The following LRRC4C variants were observed in gnomAD, a reference collection of about 807,000 sequenced individuals.
The protein encoded by LRRC4C is leucine rich repeat containing 4C, also known as leucine-rich repeat-containing protein 4C.
Under a neutral mutation model 33.6 loss-of-function variants are expected in LRRC4C, and 5 were observed. The ratio of observed to expected loss-of-function variants is 0.15; its 90% CI spans 0.08 to 0.31. The LOEUF (loss-of-function observed/expected upper bound fraction) is 0.31. Among genes scored for constraint, LRRC4C ranks in the 10% least tolerant of loss-of-function variants. The pLI is 1.00. For missense variants in LRRC4C, 560 were observed against 796.7 expected (o/e 0.70, Z 3.58); for synonymous variants, 329 against 302.0 (o/e 1.09, Z -0.93).
chr11:40,310,663 C>A (rs778084915), intron 4 of LRRC4C, among the ~76,000 whole-genome samples: 2 of 152,122 alleles, frequency 1.3e-5, no homozygotes, highest in African/African-American at 2.4e-5. Flanking sequence ...CATTAACTCA[C>A]AACAACCACC....
At chr11:40,784,756 CGA>C (rs1406585016) in intron 2 of LRRC4C, among the ~76,000 whole-genome samples, 2 of 151,980 alleles carry the variant, frequency 1.3e-5, no homozygotes, top group African/African-American at 4.8e-5. Flanking sequence ...TTAGGAAAGA[CGA>C]GAGTGTCAAA....
At chr11:40,863,229 C>T (rs1048757929) in intron 2 of LRRC4C, among the ~76,000 whole-genome samples, 2 of 152,212 alleles carry the variant, frequency 1.3e-5, no homozygotes, top group African/African-American at 2.4e-5. Context: ...CACTCTCACT[C>T]ATGGTCTACT....
Position 41,098,292 on chromosome 11 carries a change from T to C in LRRC4C, c.-495-164569A>G, listed in dbSNP as rs1443773985. ...CACTGCGGCCACACTGCTTGTAATATCTCTGACTGTTTCTCAATTCTTTCA... is the reference window on the plus strand; with the variant it reads ...CACTGCGGCCACACTGCTTGTAATACCTCTGACTGTTTCTCAATTCTTTCA... On this transcript the variant is annotated intron_variant, in intron 1 of 6. Transcript: ENST00000528697. Among the ~76,000 whole-genome samples, 4 of 152,302 alleles carry C rather than the reference T, an allele frequency of 2.6e-5. No homozygotes were observed. In the East Asian group the frequency reaches 7.7e-4, roughly 29 times the overall value.
chr11:41,321,419 T>G (rs2137274902), intron 1 of LRRC4C, among the ~76,000 whole-genome samples: 1 of 152,260 alleles, frequency 6.6e-6, no homozygotes, highest in Admixed American at 6.5e-5. Context: ...TAAGGAAAAT[T>G]TTAGTTTCTA....
At chr11:40,457,708 T>C (rs1952202746) in intron 3 of LRRC4C, among the ~76,000 whole-genome samples, 2 of 152,172 alleles carry the variant, frequency 1.3e-5, no homozygotes, top group Non-Finnish European at 2.9e-5. Context: ...TTGTTGAGTC[T>C]TTGATCTCCA....
intron 1 of LRRC4C, among the ~76,000 whole-genome samples, chr11:41,446,874 C>T (rs566041521): frequency 6.6e-6 from 1 of 152,110 alleles, no homozygotes; most frequent in Admixed American, 6.5e-5. Context: ...CCATGTGCAC[C>T]AAAAGACCAT....
chr11:40,800,545 G>A (rs999119043), intron 2 of LRRC4C, among the ~76,000 whole-genome samples: 12 of 151,992 alleles, frequency 7.9e-5, no homozygotes, highest in Admixed American at 5.9e-4. Flanking sequence ...TGTTACCATC[G>A]TCTTGTATAT....
At chr11:40,502,549 C>T (rs1954830188) in intron 3 of LRRC4C, among the ~76,000 whole-genome samples, 1 of 152,056 alleles carries the variant, frequency 6.6e-6, no homozygotes, top group Admixed American at 6.6e-5. Flanking sequence ...CTTATAAAAC[C>T]ATGAAACCTT....
chr11:41,130,848 G>A (rs1942978306), intron 1 of LRRC4C, among the ~76,000 whole-genome samples: 1 of 151,830 alleles, frequency 6.6e-6, no homozygotes, highest in South Asian at 2.1e-4. Context: ...TTTTATAATT[G>A]TCTCTCCTCC....
chr11:40,511,393 G>T (rs963589860), intron 3 of LRRC4C, among the ~76,000 whole-genome samples: 2 of 152,124 alleles, frequency 1.3e-5, no homozygotes, highest in African/African-American at 2.4e-5. Context: ...TCAAAGAGAA[G>T]GGCCATGAGA....
At chr11:40,770,867 G>T (rs1188051025) in intron 2 of LRRC4C, among the ~76,000 whole-genome samples, 1 of 152,070 alleles carries the variant, frequency 6.6e-6, no homozygotes, top group Non-Finnish European at 1.5e-5. Context: ...CATGGCCTTG[G>T]GCAGCTCCAC....
intron 3 of LRRC4C, among the ~76,000 whole-genome samples, chr11:40,464,051 C>T (rs79365183): frequency 0.041 from 6,189 of 151,840 alleles, 410 homozygotes; most frequent in African/African-American, 0.14. Context: ...AACTACAGAC[C>T]GACACCCCTG....
intron 1 of LRRC4C, among the ~76,000 whole-genome samples, chr11:41,008,182 T>TTC (rs1565295597): frequency 6.6e-6 from 1 of 151,876 alleles, no homozygotes; most frequent in East Asian, 1.9e-4. Flanking sequence ...CTCAAATGCT[T>TTC]TTCTTCTTCT....
At chr11:41,013,988 G>T (rs1855401481) in intron 1 of LRRC4C, among the ~76,000 whole-genome samples, 1 of 152,116 alleles carries the variant, frequency 6.6e-6, no homozygotes, top group Non-Finnish European at 1.5e-5. Context: ...CCACCCCCAT[G>T]ACCGCGTCGC....
intron 3 of LRRC4C, among the ~76,000 whole-genome samples, chr11:40,427,822 T>C (rs1950772612): frequency 6.6e-6 from 1 of 151,978 alleles, no homozygotes; most frequent in East Asian, 1.9e-4. Flanking sequence ...AGAGTGAGAC[T>C]GTCTTAAAAA....
chr11:41,407,771 T>C (rs984368929), intron 1 of LRRC4C, among the ~76,000 whole-genome samples: 3 of 152,180 alleles, frequency 2.0e-5, no homozygotes, highest in Admixed American at 2.0e-4. Flanking sequence ...TTATTTCAAA[T>C]ATTCTGTTTA....
intron 1 of LRRC4C, among the ~76,000 whole-genome samples, chr11:41,229,154 C>T (rs1341962720): frequency 4.6e-5 from 7 of 151,964 alleles, no homozygotes; most frequent in Non-Finnish European, 7.4e-5. Flanking sequence ...ATGTTGAAGG[C>T]CTAACCTCTT....
intron 1 of LRRC4C, among the ~76,000 whole-genome samples, chr11:41,176,057 C>T (rs191694571): frequency 6.6e-6 from 1 of 152,246 alleles, no homozygotes; most frequent in Admixed American, 6.5e-5. Context: ...GCACCTTTAA[C>T]TGTCCATCTT....
chr11:41,326,175 A>C (rs1214764447), intron 1 of LRRC4C, among the ~76,000 whole-genome samples: 1 of 152,134 alleles, frequency 6.6e-6, no homozygotes, highest in African/African-American at 2.4e-5. Flanking sequence ...AGCAGGCAGA[A>C]GAAGATGAAA....
Sources: allele counts gnomAD v4.1 joint callset (sites outside exome capture counted in the v4.1 genomes callset), GRCh38; gene constraint gnomAD v4.1.1; transcripts MANE v1.5; gene names NCBI Gene and HGNC (gene_info 2026-07-23, HGNC 2026-07-21).